The following VWA2 variants were observed in gnomAD, a reference collection of about 807,000 sequenced individuals.
The protein encoded by VWA2 is von Willebrand factor A domain-containing protein 2.
A neutral mutation model predicts 70.4 loss-of-function variants in VWA2; 73 were observed. The observed-to-expected ratio is 1.04, with a 90% CI of 0.86 to 1.26. VWA2 has a LOEUF of 1.26. Ranked by LOEUF, VWA2 falls within the 50% of genes most tolerant of loss-of-function variation. The pLI, the probability that VWA2 is intolerant of heterozygous loss-of-function variation, is 0.00. For missense variants in VWA2, 1,011 were observed against 998.5 expected, an observed-to-expected ratio of 1.01 and a Z score of -0.17; for synonymous variants, 407 against 423.3, an observed-to-expected ratio of 0.96 and a Z score of 0.47.
chr10:114,282,418 A>C (rs1420752187), intron 8 of VWA2, 98 bp from the exon 9 acceptor site: 4 of 968,238 alleles, frequency 4.1e-6, no homozygotes, highest in Non-Finnish European at 6.7e-6. Flanking sequence ...TCTGCATTGG[A>C]ATCTTCTATC....
chr10:114,286,360 G>T lies in VWA2; in HGVS notation c.1419G>T (p.Leu473=), dbSNP rs780725593. 4.3e-6 allele frequency: 7 copies of T among 1,613,818 alleles called. No homozygotes were observed. The East Asian group carries it at 6.7e-5, about 15-fold the overall frequency. The part of the protein sequence containing the change: ...GPARHARARE[L]LLLGVGSEAV... ...CGCGTCACGCAAGGGCGCGAGAGCT[G>T]CTCCTGCTGGGTGTAGGCAGTGAGG... Residue 473 remains leucine, a synonymous_variant, in exon 11 of 14, where the codon CTG becomes CTT. Coordinates refer to ENST00000392982, the MANE Select transcript of VWA2 (RefSeq NM_001272046.2).
chr10:114,239,949 C>T (rs1175098447), intron 1 of VWA2, among the ~76,000 whole-genome samples: 4 of 152,068 alleles, frequency 2.6e-5, no homozygotes, highest in Admixed American at 2.6e-4. Flanking sequence ...GGCACAGTAG[C>T]GGGGCCCCCT....
intron 8 of VWA2, among the ~76,000 whole-genome samples, chr10:114,282,017 C>CTTT (rs144974085): frequency 8.4e-6 from 1 of 119,662 alleles, no homozygotes; most frequent in African/African-American, 3.2e-5. Context: ...CTTATGTTAC[C>CTTT]TTTTTTTTTT....
chr10:114,248,234 T>C (rs1330548684), intron 1 of VWA2, among the ~76,000 whole-genome samples: 1 of 152,208 alleles, frequency 6.6e-6, no homozygotes, highest in Admixed American at 6.5e-5. Context: ...GGGGAAGGTT[T>C]GTTAACCACA....
intron 6 of VWA2, among the ~76,000 whole-genome samples, chr10:114,273,882 A>T (rs1286901807): frequency 1.3e-5 from 2 of 152,348 alleles, no homozygotes; most frequent in Non-Finnish European, 2.9e-5. Flanking sequence ...TGGAAGTAAA[A>T]TGCAAAAGGG....
chr10:114,291,021 C>T (rs903260817), intron 13 of VWA2, among the ~76,000 whole-genome samples, 197 bp from the exon 14 acceptor site: 4 of 152,018 alleles, frequency 2.6e-5, no homozygotes, highest in African/African-American at 7.2e-5. Flanking sequence ...TTTTTGGCCA[C>T]GGGCAGAGGT....
chr10:114,285,818 T>C (rs1889446), intron 10 of VWA2, 121 bp from the exon 11 acceptor site: 902,566 of 1,116,564 alleles, frequency 0.81, 369,649 homozygotes, highest in Admixed American at 0.84. Context: ...CACTTAAGCT[T>C]GGGGGGCCCA....
intron 2 of VWA2, among the ~76,000 whole-genome samples, chr10:114,250,596 CT>C (rs2037174548): frequency 6.6e-6 from 1 of 152,200 alleles, no homozygotes; most frequent in Non-Finnish European, 1.5e-5. Context: ...GAATTGGCTA[CT>C]GTTAATACCT....
At chr10:114,246,053 T>A in intron 1 of VWA2, 1 of 606,678 alleles carries the variant, frequency 1.6e-6, no homozygotes, top group Non-Finnish European at 3.2e-6. Context: ...TGTGGCACCC[T>A]GGACTACCTG....
intron 5 of VWA2, among the ~76,000 whole-genome samples, chr10:114,270,575 A>C (rs1304237268): frequency 6.6e-6 from 1 of 152,170 alleles, no homozygotes; most frequent in African/African-American, 2.4e-5. Context: ...TCTGGCACAA[A>C]GTAAAATGTC....
At chr10:114,241,799 C>T (rs1370034819) in intron 1 of VWA2, among the ~76,000 whole-genome samples, 1 of 152,112 alleles carries the variant, frequency 6.6e-6, no homozygotes, top group African/African-American at 2.4e-5. Flanking sequence ...TTTTGCAGTG[C>T]ATATATCAGT....
intron 1 of VWA2, among the ~76,000 whole-genome samples, chr10:114,240,777 G>A (rs1026110179): frequency 1.3e-5 from 2 of 152,154 alleles, no homozygotes; most frequent in African/African-American, 4.8e-5. Flanking sequence ...TGGGGGTTCA[G>A]AGCTCCTCAG....
In VWA2 at chr10:114,282,626, C is replaced by T. The variant is rs113884602; in HGVS notation, c.889+55C>T. Reference sequence around the variant, plus strand: ...CTTTCAGGGCCCTGGGCCCAGGCTGCTTTGTAAAGTGGCTTTTACAATCCT... The same window carrying T: ...CTTTCAGGGCCCTGGGCCCAGGCTGTTTTGTAAAGTGGCTTTTACAATCCT... On this transcript the variant is annotated intron_variant, in intron 9 of 13. Transcript: ENST00000392982. The T allele has an allele frequency of 4.3e-4, 658 of 1,525,548 alleles. 3 individuals carry two copies. The African/African-American group carries it at 5.1e-3, about 12-fold the overall frequency. The allele number at this position is 1,525,548 out of a possible 1,614,324, so 94.5% of individuals were successfully genotyped here.
At chr10:114,248,872 T>C in intron 2 of VWA2, 107 bp downstream of exon 2, 5 of 1,062,654 alleles carry the variant, frequency 4.7e-6, no homozygotes, top group Non-Finnish European at 4.4e-6. Flanking sequence ...TGAATCCACC[T>C]GCATCTCCCC....
At chr10:114,262,802 A>G (rs1490996444) in intron 5 of VWA2, among the ~76,000 whole-genome samples, 1 of 152,168 alleles carries the variant, frequency 6.6e-6, no homozygotes, top group East Asian at 1.9e-4. Context: ...AGAAAGTACA[A>G]AAGGAAAGAG....
intron 1 of VWA2, among the ~76,000 whole-genome samples, chr10:114,245,469 A>T (rs2133280140): frequency 6.6e-6 from 1 of 152,242 alleles, no homozygotes; most frequent in South Asian, 2.1e-4. Context: ...AGAAGCTGTA[A>T]CTCCGTAAAA....
chr10:114,252,517 T>C (rs1263934443), intron 2 of VWA2, among the ~76,000 whole-genome samples: 2 of 152,134 alleles, frequency 1.3e-5, no homozygotes, highest in Middle Eastern at 3.4e-3. Context: ...ATAACGTGGG[T>C]CATTGGTGTC....
rs774185797 is a variant in VWA2, at chr10:114,277,942, G to A, written c.595G>A (p.Glu199Lys). The change falls in exon 7 of 14, where the codon GAG becomes AAG. Residue 199 changes from glutamate to lysine, a missense_variant. Coordinates refer to ENST00000392982, the MANE Select transcript of VWA2 (RefSeq NM_001272046.2). ...GGAGGAGCTGCATGCACTGGCCAGC[G>A]AGCCTAGAGGGCAGCACGTGCTGTT... Reference protein sequence around the residue: ...RWEELHALASEPRGQHVLLAE... With the variant: ...RWEELHALASKPRGQHVLLAE... The A allele has an allele frequency of 1.8e-5, 29 of 1,610,656 alleles. No individual in the cohort carries two copies. Among genetic ancestry groups the A allele is most frequent in the East Asian group, 1.6e-4 (7 of 44,790 alleles).
At chr10:114,258,761 G>A (rs1335117480) in intron 4 of VWA2, among the ~76,000 whole-genome samples, 1 of 152,070 alleles carries the variant, frequency 6.6e-6, no homozygotes, top group Non-Finnish European at 1.5e-5. Flanking sequence ...AGTCCCTTCC[G>A]GAATCACTTT....
Sources: gnomAD v4.1 joint callset for allele counts (sites outside exome capture counted in the v4.1 genomes callset) on GRCh38, gnomAD v4.1.1 for gene constraint, MANE v1.5 for transcripts, NCBI Gene and HGNC (gene_info 2026-07-23, HGNC 2026-07-21) for gene names.